The following M6PR variants were observed in gnomAD, a reference collection of about 807,000 sequenced individuals.
M6PR encodes cation-dependent mannose-6-phosphate receptor.
M6PR carries 19 observed loss-of-function variants against 33.1 expected under a neutral mutation model. That is an observed-to-expected ratio of 0.57 (90% CI 0.40 to 0.84). The LOEUF (loss-of-function observed/expected upper bound fraction) is 0.84, where lower values mean the gene tolerates loss of function less well. Ranked by LOEUF, M6PR falls within the 40% of genes least tolerant of loss-of-function variation. The pLI is 0.00. For synonymous variants in M6PR, 111 were observed against 123.4 expected (o/e 0.90, Z 0.67); for missense variants, 295 against 336.0 (o/e 0.88, Z 0.95).
chr12:8,947,304 T>C (rs2137173291), intron 1 of M6PR, among the ~76,000 whole-genome samples: 1 of 152,312 alleles, frequency 6.6e-6, no homozygotes, highest in South Asian at 2.1e-4. Context: ...TTTTCATGGG[T>C]ACTAATGAGT....
Position 8,942,551 on chromosome 12 carries a change from A to C in M6PR, c.585-9T>G, listed in dbSNP as rs1293153221. ...CAACCAGTGATGCAAACCTGTAGAG[A>C]GAGAAAGACATCTATACTTAAGAAC... On this transcript the variant is annotated splice_polypyrimidine_tract_variant and intron_variant, in intron 5 of 6. Transcript: ENST00000000412. 6.2e-7 allele frequency: 1 copy of C among 1,613,602 alleles called. No homozygotes were observed. The highest frequency in any genetic ancestry group is 8.5e-7 in the Non-Finnish European group (1 of 1,179,640).
intron 1 of M6PR, chr12:8,946,941 C>T (rs1347593307): frequency 2.0e-5 from 3 of 152,266 alleles, no homozygotes. Context: ...GCTCTCTTTC[C>T]CAAACTTACT....
In M6PR at chr12:8,945,552, G is replaced by T; in HGVS notation, c.209C>A (p.Thr70Lys). The T allele has an allele frequency of 6.2e-7, 1 of 1,614,146 alleles. No homozygotes were observed. Among genetic ancestry groups the T allele is most frequent in the South Asian group, 1.1e-5 (1 of 91,078 alleles). ...FESTVGQGSD[T>K]YIYIFRVCRE... ...GCACACCCTGAAGATGTAGATGTATGTGTCTGAACCCTGGCCCACAGTGCT... is the reference window on the plus strand; with the variant it reads ...GCACACCCTGAAGATGTAGATGTATTTGTCTGAACCCTGGCCCACAGTGCT... Residue 70 changes from threonine to lysine, a missense_variant, in exon 3 of 7, where the codon ACA (threonine) becomes AAA (lysine). Transcript: ENST00000000412.
chr12:8,942,381 A>G (rs375553375), intron 6 of M6PR, 35 bp downstream of exon 6: 112 of 1,613,866 alleles, frequency 6.9e-5, no homozygotes, highest in East Asian at 8.9e-5. Context: ...CCTTGTTTGC[A>G]GGCTACAAAT....
At position 8,943,392 on chromosome 12, in the gene M6PR, A is replaced by C. The variant is rs750441014; in HGVS notation, c.584+13T>G. ...GAAGGAAGGTCTGTTCTGATAAAGGAAGGCATACTCACGTGACAAGTAAGA... is the reference window on the plus strand; with the variant it reads ...GAAGGAAGGTCTGTTCTGATAAAGGCAGGCATACTCACGTGACAAGTAAGA... On this transcript the variant is annotated intron_variant, in intron 5 of 6. Coordinates refer to ENST00000000412, the MANE Select transcript of M6PR (RefSeq NM_002355.4). The C allele has an allele frequency of 5.6e-6, 9 of 1,614,084 alleles. No individual in the cohort carries two copies. The highest frequency in any genetic ancestry group is 5.0e-5 in the Admixed American group (3 of 60,026).
At position 8,942,650 on chromosome 12, in the gene M6PR, A is replaced by T. The variant is rs143937394; in HGVS notation, c.585-108T>A. ...GCTGTTTCCTAAGATACATTCCCTG[A>T]AAAGGAAAAATGAGTAGTGATACTA... On this transcript the variant is annotated intron_variant, in intron 5 of 6. Transcript: ENST00000000412. 945 of 1,234,904 alleles carry T rather than the reference A, an allele frequency of 7.7e-4. 7 individuals carry two copies. In the African/African-American group the frequency reaches 0.012, roughly 15 times the overall value. The allele number at this position is 1,234,904 out of a possible 1,614,324, so 76.5% of individuals were successfully genotyped here.
At chr12:8,946,082 A>G in intron 2 of M6PR, 147 bp downstream of exon 2, 3 of 717,472 alleles carry the variant, frequency 4.2e-6, no homozygotes, top group Non-Finnish European at 6.8e-6. Flanking sequence ...TCTGTGAAAG[A>G]TGAGAAAACT....
In M6PR at chr12:8,947,089, G is replaced by A. The variant is rs182395215; in HGVS notation, c.-1-684C>T. 5.4e-4 allele frequency among the ~76,000 whole-genome samples: 82 copies of A among 152,228 alleles called. No individual in the cohort carries two copies. In the East Asian group the frequency reaches 0.013, roughly 24 times the overall value. Reference sequence around the variant, plus strand: ...ACACTTTACTCTGGTATCTGTTAATGATCCCTCAGGCCATTGCTACTTGTT... The same window carrying A: ...ACACTTTACTCTGGTATCTGTTAATAATCCCTCAGGCCATTGCTACTTGTT... On this transcript the variant is annotated intron_variant, in intron 1 of 6. Coordinates refer to ENST00000000412, the MANE Select transcript of M6PR (RefSeq NM_002355.4).
Position 8,943,455 on chromosome 12 carries a change from G to A in M6PR, c.534C>T (p.Ala178=), listed in dbSNP as rs1050592829. ...TGAGGTGGGAGATCTCTGGTGAACA[G>A]GCCAGGCTGCTATCCATCTCAAAGA... ...FYLFEMDSSL[A]CSPEISHLSV... is the part of the protein sequence containing the mutation. The change falls in exon 5 of 7, where the codon GCC becomes GCT. Residue 178 remains alanine (A), a synonymous_variant. Transcript: ENST00000000412. The A allele has an allele frequency of 6.2e-7, 1 of 1,614,066 alleles. No individual in the cohort carries two copies. The highest frequency in any genetic ancestry group is 1.3e-5 in the African/African-American group (1 of 74,920).
In M6PR at chr12:8,942,421, C is replaced by T; in HGVS notation, c.706G>A (p.Val236Ile). 1.9e-6 allele frequency: 3 copies of T among 1,614,168 alleles called. No individual in the cohort carries two copies. The highest frequency in any genetic ancestry group is 2.2e-5 in the South Asian group (2 of 91,072). Residue 236 changes from valine to isoleucine, a missense_variant, in exon 6 of 7, where the codon GTA (valine) becomes ATA (isoleucine). Transcript: ENST00000000412. ...LAFWQDLGNLVADGCDFVCRS... is the reference protein window; with the variant it reads ...LAFWQDLGNLIADGCDFVCRS... ...CCAGCTGCCCTGTTACTTACTGCTA[C>T]CAGGTTGCCAAGATCCTGCCAGAAG...
intron 1 of M6PR, among the ~76,000 whole-genome samples, chr12:8,947,172 TA>T (rs1487583312): frequency 6.6e-6 from 1 of 152,204 alleles, no homozygotes. Flanking sequence ...TTTTCTCACT[TA>T]CAAAAAACGC....
rs1321652027 is a variant in M6PR, at chr12:8,940,575, G to C, written c.*1243C>G. 1 of 81,286 alleles carries C rather than the reference G, an allele frequency of 1.2e-5. No individual in the cohort carries two copies. The highest frequency in any genetic ancestry group is 1.4e-4 in the Admixed American group (1 of 7,120). The allele number at this position is 81,286 out of a possible 1,614,324, so 5.0% of individuals were successfully genotyped here. ...AAATAGTTTCATTTTCTTTTCCTAA[G>C]GCTTATAAAAGGCCCCCTGCCTGTT... On this transcript the variant is annotated 3_prime_UTR_variant, in exon 7 of 7. Coordinates refer to ENST00000000412, the MANE Select transcript of M6PR (RefSeq NM_002355.4).
At position 8,943,915 on chromosome 12, in the gene M6PR, G is replaced by A; in HGVS notation, c.344-5C>T. On this transcript the variant is annotated splice_region_variant and splice_polypyrimidine_tract_variant and intron_variant, in intron 3 of 6. Transcript: ENST00000000412. ...AGATCAGCATGATCCAATTACCTGA[G>A]GAGGGACAAGGAAAATGGAGCTATG... The A allele has an allele frequency of 6.3e-7, 1 of 1,590,398 alleles. No homozygotes were observed. The highest frequency in any genetic ancestry group is 8.6e-7 in the Non-Finnish European group (1 of 1,158,666).
At chr12:8,947,370 C>T (rs761020101) in intron 1 of M6PR, among the ~76,000 whole-genome samples, 32 of 152,146 alleles carry the variant, frequency 2.1e-4, no homozygotes, top group Non-Finnish European at 4.0e-4. Context: ...TTTCCCCATT[C>T]CCCTAAACAA....
At chr12:8,943,668 C>T in intron 4 of M6PR, 133 bp from the exon 5 acceptor site, 2 of 1,360,778 alleles carry the variant, frequency 1.5e-6, no homozygotes, top group Non-Finnish European at 2.1e-6. Context: ...GCGTGTCTGA[C>T]ACAGAGAGAA....
intron 5 of M6PR, 53 bp downstream of exon 5, chr12:8,943,350 GAC>G: frequency 6.2e-7 from 1 of 1,605,034 alleles, no homozygotes. Context: ...TATAGTTACT[GAC>G]CTTAAAAACA....
chr12:8,942,206 C>G (rs1946023238), intron 6 of M6PR: 1 of 701,114 alleles, frequency 1.4e-6, no homozygotes, highest in African/African-American at 1.8e-5. Context: ...CAGTGTTGCT[C>G]TTTCAGCAAT....
At chr12:8,948,027 C>T (rs1946124806) in intron 1 of M6PR, among the ~76,000 whole-genome samples, 1 of 152,190 alleles carries the variant, frequency 6.6e-6, no homozygotes, top group Non-Finnish European at 1.5e-5. Flanking sequence ...CTGACTTAGC[C>T]TGCCATTTTC....
At chr12:8,945,294 G>T in intron 3 of M6PR, 124 bp downstream of exon 3, 1 of 931,154 alleles carries the variant, frequency 1.1e-6, no homozygotes, top group Non-Finnish European at 1.7e-6. Context: ...TACAGTCTCA[G>T]GTGTGCCGAA....
Sources: gnomAD v4.1 joint callset for allele counts (sites outside exome capture counted in the v4.1 genomes callset) on GRCh38, gnomAD v4.1.1 for gene constraint, MANE v1.5 for transcripts, NCBI Gene and HGNC (gene_info 2026-07-23, HGNC 2026-07-21) for gene names.